AMPH: variants seen among roughly 807,000 people sequenced by gnomAD.
AMPH encodes the protein amphiphysin (Stiff-Mann syndrome with breast cancer 128kD autoantigen).
Under a neutral mutation model 99.1 loss-of-function variants are expected in AMPH, and 49 were observed. The ratio of observed to expected loss-of-function variants is 0.49; its 90% CI spans 0.39 to 0.63. The LOEUF is 0.63. AMPH is among the 20% of genes least tolerant of loss of function. The probability of loss-of-function intolerance (pLI) is 0.00; values close to 1 mark genes in which losing one functional copy is unlikely to be tolerated. For missense variants in AMPH, 759 were observed against 863.4 expected (o/e 0.88, Z 1.52); for synonymous variants, 314 against 317.3 (o/e 0.99, Z 0.11).
intron 11 of AMPH, among the ~76,000 whole-genome samples, chr7:38,456,088 C>A (rs901728479): frequency 2.6e-5 from 4 of 152,326 alleles, no homozygotes; most frequent in African/African-American, 9.6e-5. Flanking sequence ...CAAAGGTCTG[C>A]ATCCCTCCCT....
At chr7:38,472,352 T>C (rs1052824413) in intron 7 of AMPH, among the ~76,000 whole-genome samples, 3 of 152,112 alleles carry the variant, frequency 2.0e-5, no homozygotes, top group Admixed American at 6.5e-5. Context: ...TCATTTTAGA[T>C]AAAGAGAGGC....
At chr7:38,596,038 T>A (rs991841418) in intron 1 of AMPH, among the ~76,000 whole-genome samples, 2 of 152,186 alleles carry the variant, frequency 1.3e-5, no homozygotes, top group African/African-American at 4.8e-5. Flanking sequence ...TGCATGTGTC[T>A]TTTTGGTAGG....
At chr7:38,462,492 TTTC>T (rs1315066125) in intron 10 of AMPH, among the ~76,000 whole-genome samples, 1 of 152,214 alleles carries the variant, frequency 6.6e-6, no homozygotes, top group Non-Finnish European at 1.5e-5. Context: ...TCTTCAATTA[TTTC>T]TTCAATTCAA....
intron 5 of AMPH, among the ~76,000 whole-genome samples, chr7:38,480,840 A>C (rs1358985407): frequency 6.6e-6 from 1 of 152,144 alleles, no homozygotes; most frequent in Non-Finnish European, 1.5e-5. Flanking sequence ...ACTCTTATAA[A>C]GCTCTTCCTT....
chr7:38,401,976 C>A (rs1784853552), intron 17 of AMPH, among the ~76,000 whole-genome samples: 1 of 152,112 alleles, frequency 6.6e-6, no homozygotes, highest in African/African-American at 2.4e-5. Flanking sequence ...CTAAATCTAT[C>A]ATCTTTGCTT....
intron 3 of AMPH, among the ~76,000 whole-genome samples, chr7:38,498,887 T>C (rs760166998): frequency 7.2e-5 from 11 of 152,220 alleles, no homozygotes; most frequent in Non-Finnish European, 1.5e-4. Context: ...CTCAGTTTTC[T>C]GCTTGCATCT....
intron 2 of AMPH, among the ~76,000 whole-genome samples, chr7:38,526,431 G>A (rs978197553): frequency 3.1e-5 from 2 of 64,400 alleles, no homozygotes; most frequent in South Asian, 6.8e-4. Flanking sequence ...TACCATGCCC[G>A]GCTTTTTTTT....
chr7:38,598,977 C>T (rs1049645658), intron 1 of AMPH, among the ~76,000 whole-genome samples: 1 of 152,092 alleles, frequency 6.6e-6, no homozygotes, highest in Non-Finnish European at 1.5e-5. Flanking sequence ...CTGAATATAG[C>T]TTTGCTTGTC....
At chr7:38,577,372 C>G (rs755048911) in intron 1 of AMPH, among the ~76,000 whole-genome samples, 18 of 152,316 alleles carry the variant, frequency 1.2e-4, no homozygotes, top group Non-Finnish European at 1.5e-5. Flanking sequence ...GTCTTCGCTT[C>G]TCCATAAGCA....
Position 38,389,786 on chromosome 7 carries a change from T to G in AMPH, c.1980+18A>C. On this transcript the variant is annotated intron_variant, in intron 20 of 20. Coordinates refer to ENST00000356264, the MANE Select transcript of AMPH (RefSeq NM_001635.4). ...AAAATCAACGTAGCCCAAAGCATCT[T>G]CCTATCTTTTCTTTTACCTGATCAG... is the stretch of plus-strand genomic sequence containing the variant. 1 of 1,589,460 alleles carries G rather than the reference T, an allele frequency of 6.3e-7. No homozygotes were observed. The highest frequency in any genetic ancestry group is 8.6e-7 in the Non-Finnish European group (1 of 1,157,934).
chr7:38,445,631 A>G (rs1457939382), intron 11 of AMPH, among the ~76,000 whole-genome samples: 1 of 152,238 alleles, frequency 6.6e-6, no homozygotes, highest in African/African-American at 2.4e-5. Context: ...TATGGGTGTT[A>G]AATAAGTACA....
At chr7:38,619,971 G>A (rs1290190224) in intron 1 of AMPH, among the ~76,000 whole-genome samples, 1 of 152,118 alleles carries the variant, frequency 6.6e-6, no homozygotes, top group Non-Finnish European at 1.5e-5. Context: ...ACAGAGAAAG[G>A]TATTAGACTG....
At chr7:38,552,870 C>T (rs1348123131) in intron 1 of AMPH, among the ~76,000 whole-genome samples, 1 of 152,188 alleles carries the variant, frequency 6.6e-6, no homozygotes, top group African/African-American at 2.4e-5. Context: ...ATAAAACTAT[C>T]TGTGAAATAC....
At chr7:38,589,270 C>T (rs1792771469) in intron 1 of AMPH, among the ~76,000 whole-genome samples, 1 of 152,150 alleles carries the variant, frequency 6.6e-6, no homozygotes, top group African/African-American at 2.4e-5. Context: ...ATGGTCAACA[C>T]TCAACTCTTG....
chr7:38,392,417 T>C (rs1465028712), intron 18 of AMPH, among the ~76,000 whole-genome samples: 1 of 125,100 alleles, frequency 8.0e-6, no homozygotes, highest in South Asian at 2.7e-4. Flanking sequence ...GACAGAGTCT[T>C]GCTCTGTCGC....
intron 11 of AMPH, among the ~76,000 whole-genome samples, chr7:38,443,548 T>C (rs999592912): frequency 2.0e-5 from 3 of 152,142 alleles, no homozygotes; most frequent in African/African-American, 7.2e-5. Context: ...TGGTTTACCA[T>C]TGGAAAACCA....
rs542399146 is a variant in AMPH, at chr7:38,558,852, G to A, written c.70-23841C>T. On this transcript the variant is annotated intron_variant, in intron 1 of 20. Transcript: ENST00000356264. ...TGACAATTGATGAAAGAAAATAACA[G>A]TCTCCTGTTTTTGCAATTGGCACGT... is the stretch of plus-strand genomic sequence containing the variant. Among the ~76,000 whole-genome samples, 27 of 152,246 alleles carry A rather than the reference G, an allele frequency of 1.8e-4. 1 individual carries two copies. The highest frequency in any genetic ancestry group is 6.5e-4 in the African/African-American group (27 of 41,558).
chr7:38,612,551 G>C lies in AMPH; in HGVS notation c.69+18732C>G, dbSNP rs773676173. Among the ~76,000 whole-genome samples the C allele has an allele frequency of 1.3e-4, 20 of 152,262 alleles. 1 individual carries two copies. In the Middle Eastern group the frequency reaches 0.01, roughly 78 times the overall value. On this transcript the variant is annotated intron_variant, in intron 1 of 20. Transcript: ENST00000356264. ...GGCCTCAGAAACACTGATATGGATA[G>C]ATTATCCATATGAAAGAAGAGCGAG...
At chr7:38,579,189 C>T (rs1489581299) in intron 1 of AMPH, among the ~76,000 whole-genome samples, 2 of 152,248 alleles carry the variant, frequency 1.3e-5, no homozygotes, top group Non-Finnish European at 2.9e-5. Context: ...TCCATACCTG[C>T]TGTGCTGGTG....
Sources: allele counts gnomAD v4.1 joint callset (sites outside exome capture counted in the v4.1 genomes callset), GRCh38; gene constraint gnomAD v4.1.1; transcripts MANE v1.5; gene names NCBI Gene and HGNC (gene_info 2026-07-23, HGNC 2026-07-21).